The following RBFOX1 variants were observed in gnomAD, a reference collection of about 807,000 sequenced individuals.
The protein encoded by RBFOX1 is RNA binding protein fox-1 homolog 1.
Under a neutral mutation model 57.7 loss-of-function variants are expected in RBFOX1, and 8 were observed. That is an observed-to-expected ratio of 0.14 (90% CI 0.08 to 0.25). The LOEUF (loss-of-function observed/expected upper bound fraction) is 0.25. Ranked by LOEUF, RBFOX1 falls within the 10% of genes least tolerant of loss-of-function variation. The pLI, the probability that RBFOX1 is intolerant of heterozygous loss-of-function variation, is 1.00. For missense variants in RBFOX1, 611 were observed against 548.5 expected, an observed-to-expected ratio of 1.11 and a Z score of -1.14; for synonymous variants, 326 against 222.4, an observed-to-expected ratio of 1.47 and a Z score of -4.15.
chr16:6,139,444 A>G (rs1436783427), intron 1 of RBFOX1, among the ~76,000 whole-genome samples: 2 of 152,066 alleles, frequency 1.3e-5, no homozygotes, highest in Non-Finnish European at 2.9e-5. Flanking sequence ...TGCAAGAGAA[A>G]TCTCTTACAA....
At chr16:7,438,584 C>G (rs2098740857) in intron 4 of RBFOX1, among the ~76,000 whole-genome samples, 1 of 152,118 alleles carries the variant, frequency 6.6e-6, no homozygotes, top group Non-Finnish European at 1.5e-5. Context: ...TCTCTGAATC[C>G]CAAACTTGTG....
intron 1 of RBFOX1, among the ~76,000 whole-genome samples, chr16:6,185,375 C>T (rs2097098611): frequency 6.6e-6 from 1 of 152,302 alleles, no homozygotes; most frequent in East Asian, 1.9e-4. Flanking sequence ...TGATCTTATC[C>T]TGTTTCAAGG....
At chr16:7,232,088 C>T (rs1603412903) in intron 4 of RBFOX1, among the ~76,000 whole-genome samples, 1 of 151,950 alleles carries the variant, frequency 6.6e-6, no homozygotes, top group South Asian at 2.1e-4. Flanking sequence ...TGCAGTGGCA[C>T]AATCGGCTCA....
chr16:6,983,018 G>C (rs1256663973), intron 3 of RBFOX1, among the ~76,000 whole-genome samples: 3 of 87,684 alleles, frequency 3.4e-5, no homozygotes, highest in Non-Finnish European at 7.7e-5. Context: ...AAAAAAAAAA[G>C]GAAAGGTGTC....
intron 1 of RBFOX1, among the ~76,000 whole-genome samples, chr16:6,183,399 G>C (rs1252230300): frequency 6.6e-6 from 1 of 151,902 alleles, no homozygotes. Flanking sequence ...ATAATAGCTT[G>C]AACTCGGGAG....
chr16:5,769,946 C>G (rs1448987568), intron 3 of RBFOX1, among the ~76,000 whole-genome samples: 1 of 152,248 alleles, frequency 6.6e-6, no homozygotes, highest in Non-Finnish European at 1.5e-5. Context: ...AAATTAGGCT[C>G]TCAGTATAGG....
chr16:6,095,978 A>G (rs186671396), intron 1 of RBFOX1, among the ~76,000 whole-genome samples: 4 of 152,306 alleles, frequency 2.6e-5, no homozygotes, highest in African/African-American at 9.6e-5. Context: ...CCAGGCCACG[A>G]TGGGGAAGAG....
chr16:6,180,150 A>G (rs1304638858), intron 1 of RBFOX1, among the ~76,000 whole-genome samples: 1 of 152,146 alleles, frequency 6.6e-6, no homozygotes, highest in Non-Finnish European at 1.5e-5. Flanking sequence ...CAGTAGTCTC[A>G]GATTTCTTCC....
intron 3 of RBFOX1, among the ~76,000 whole-genome samples, chr16:5,649,704 C>T (rs1029358133): frequency 2.0e-5 from 3 of 152,166 alleles, no homozygotes; most frequent in African/African-American, 7.2e-5. Context: ...GCACAAAGTA[C>T]TGCATGAATT....
chr16:5,441,092 T>C (rs1301480464), intron 1 of RBFOX1, among the ~76,000 whole-genome samples: 1 of 152,178 alleles, frequency 6.6e-6, no homozygotes, highest in Non-Finnish European at 1.5e-5. Context: ...GGTTCAGACC[T>C]AGAATAATGT....
intron 4 of RBFOX1, among the ~76,000 whole-genome samples, chr16:7,514,316 C>G (rs892361202): frequency 6.6e-6 from 1 of 152,196 alleles, no homozygotes; most frequent in Non-Finnish European, 1.5e-5. Flanking sequence ...CTTCATCCCC[C>G]TACCCTATCT....
At chr16:6,753,198 G>A (rs1025814919) in intron 3 of RBFOX1, among the ~76,000 whole-genome samples, 19 of 152,156 alleles carry the variant, frequency 1.2e-4, no homozygotes, top group African/African-American at 4.6e-4. Flanking sequence ...GTTGATGGTT[G>A]CAGAGAGGGA....
intron 3 of RBFOX1, chr16:5,611,522 T>C (rs749026369): frequency 2.6e-5 from 4 of 152,202 alleles, no homozygotes; most frequent in Non-Finnish European, 2.9e-5. Context: ...TCTTCTTCAG[T>C]AGCCTTTTGC....
rs377006000 is a variant in RBFOX1 at position 7,210,490 on chromosome 16, T to C, written c.27+158392T>C. Among the ~76,000 whole-genome samples the C allele has an allele frequency of 1.6e-4, 25 of 152,312 alleles. 2 individuals are homozygous for C. The South Asian group carries it at 5.0e-3, about 30-fold the overall frequency. ...TTACTTAAAGACAATCAATGTTAGG[T>C]GTTATTCATATCTATAAAATGCCTT... On this transcript the variant is annotated intron_variant, in intron 4 of 15. Transcript: ENST00000550418.
chr16:6,593,602 C>T (rs1031765325), intron 2 of RBFOX1, among the ~76,000 whole-genome samples: 11 of 152,124 alleles, frequency 7.2e-5, no homozygotes, highest in African/African-American at 2.7e-4. Flanking sequence ...GATAGAATTC[C>T]TGGTTTTCAA....
intron 4 of RBFOX1, among the ~76,000 whole-genome samples, chr16:7,260,360 C>A (rs955110112): frequency 6.6e-6 from 1 of 152,058 alleles, no homozygotes; most frequent in Non-Finnish European, 1.5e-5. Flanking sequence ...TTATTAAACG[C>A]CGCTCTTAAA....
intron 2 of RBFOX1, among the ~76,000 whole-genome samples, chr16:5,485,318 C>T (rs1296349511): frequency 7.8e-6 from 1 of 127,414 alleles, no homozygotes; most frequent in Non-Finnish European, 1.6e-5. Context: ...TGCACTCCAG[C>T]CTGGGCGACA....
At chr16:5,308,381 A>G (rs570441824) in intron 1 of RBFOX1, among the ~76,000 whole-genome samples, 58 of 152,050 alleles carry the variant, frequency 3.8e-4, no homozygotes, top group Non-Finnish European at 7.2e-4. Context: ...TCCGCTCCCA[A>G]GAGGCAACAA....
intron 3 of RBFOX1, among the ~76,000 whole-genome samples, chr16:6,978,201 C>A (rs978956342): frequency 3.3e-5 from 5 of 152,126 alleles, no homozygotes; most frequent in Admixed American, 1.3e-4. Context: ...ACTGGGCCCT[C>A]GGTTGCAGTT....
Sources: allele counts gnomAD v4.1 joint callset (sites outside exome capture counted in the v4.1 genomes callset), GRCh38; gene constraint gnomAD v4.1.1; transcripts MANE v1.5; gene names NCBI Gene and HGNC (gene_info 2026-07-23, HGNC 2026-07-21).